The following MEGF6 variants were observed in gnomAD, a reference collection of about 807,000 sequenced individuals.
MEGF6 encodes the protein multiple EGF like domains 6, also known as multiple epidermal growth factor-like domains protein 6.
Under a neutral mutation model 207.1 loss-of-function variants are expected in MEGF6, and 184 were observed. The ratio of observed to expected loss-of-function variants is 0.89; its 90% CI spans 0.79 to 1.00. The LOEUF (loss-of-function observed/expected upper bound fraction) is 1.00. Ranked by LOEUF, MEGF6 falls within the 50% of genes least tolerant of loss-of-function variation. MEGF6 has a pLI of 0.00. For synonymous variants in MEGF6, 1,038 were observed against 910.0 expected (o/e 1.14, Z -2.53); for missense variants, 2,282 against 2,202.9 (o/e 1.04, Z -0.72).
intron 4 of MEGF6, among the ~76,000 whole-genome samples, chr1:3,537,400 C>G (rs945152879): frequency 6.6e-6 from 1 of 152,356 alleles, no homozygotes; most frequent in Non-Finnish European, 1.5e-5. Context: ...TAGTCCTGAC[C>G]GAGGTGGCCA....
intron 4 of MEGF6, among the ~76,000 whole-genome samples, chr1:3,545,744 G>A (rs1419477764): frequency 2.0e-5 from 3 of 152,192 alleles, no homozygotes; most frequent in African/African-American, 7.2e-5. Flanking sequence ...CACAGGTGGA[G>A]CCATCCTCCC....
chr1:3,537,954 C>A (rs1455882287), intron 4 of MEGF6, among the ~76,000 whole-genome samples: 1 of 152,134 alleles, frequency 6.6e-6, no homozygotes, highest in East Asian at 1.9e-4. Context: ...CAGCAAGGGG[C>A]ACAGGGCTGC....
chr1:3,501,916 G>C lies in MEGF6; in HGVS notation c.2194C>G (p.Pro732Ala). ...CAGTTCACGCCAAACGTCCCCACCGGGCACTCTGCAGGAGAAAGCACGAGG... is the reference window on the plus strand; with the variant it reads ...CAGTTCACGCCAAACGTCCCCACCGCGCACTCTGCAGGAGAAAGCACGAGG... The part of the protein sequence containing the change: ...FQGEDCGQEC[P>A]VGTFGVNCSS... The change falls in exon 18 of 37, where the codon CCG becomes GCG. Residue 732 changes from proline (P) to alanine (A), a missense_variant. Pro to Ala is a conservative substitution (Grantham distance 27, BLOSUM62 -1). Coordinates refer to ENST00000356575, the MANE Select transcript of MEGF6 (RefSeq NM_001409.4). 6.3e-7 allele frequency: 1 copy of C among 1,593,870 alleles called. No individual in the cohort carries two copies. The highest frequency in any genetic ancestry group is 8.5e-7 in the Non-Finnish European group (1 of 1,170,932).
chr1:3,585,980 GCATGTCCTGTGTGTGGGTGTGTGGACA>G (rs1192134590), intron 3 of MEGF6, among the ~76,000 whole-genome samples: 10 of 86,870 alleles, frequency 1.2e-4, no homozygotes, highest in African/African-American at 2.2e-4. Flanking sequence ...GTGTGTGGAC[GCATGTCCTGTGTGTGGGTGTGTGGACA>G]CATGTCCTGT....
intron 29 of MEGF6, 69 bp downstream of exon 29, chr1:3,496,586 G>A (rs1557714994): frequency 1.9e-6 from 3 of 1,540,596 alleles, no homozygotes; most frequent in Middle Eastern, 1.8e-4. Flanking sequence ...CCATCCTCCT[G>A]CAGGCTGGCT....
chr1:3,552,407 C>T (rs1042390606), intron 4 of MEGF6, among the ~76,000 whole-genome samples: 1 of 152,260 alleles, frequency 6.6e-6, no homozygotes, highest in Non-Finnish European at 1.5e-5. Flanking sequence ...GCTGAGGCAT[C>T]CTGGTAAGAC....
intron 4 of MEGF6, among the ~76,000 whole-genome samples, chr1:3,530,784 C>G (rs943368525): frequency 7.2e-5 from 11 of 152,322 alleles, no homozygotes; most frequent in Admixed American, 7.2e-4. Flanking sequence ...CCATGGGGAG[C>G]GGGGAACCCT....
At chr1:3,568,177 G>A (rs995386288) in intron 4 of MEGF6, among the ~76,000 whole-genome samples, 5 of 152,192 alleles carry the variant, frequency 3.3e-5, no homozygotes, top group African/African-American at 7.2e-5. Flanking sequence ...AGGGCCTCTG[G>A]GGTGCAGAGG....
chr1:3,602,599 G>A lies in MEGF6; in HGVS notation c.133C>T (p.Pro45Ser). ...RPLLPLQPGM[P>S]HVCAEQELTL... ...AGCTCCTGCTCAGCACACACGTGGG[G>A]CCTGGAACAGAGACACGGAGAGTCA... Residue 45 changes from proline to serine, a missense_variant and splice_region_variant, in exon 2 of 37, where the codon CCC becomes TCC. By Grantham distance (74) the Pro-to-Ser change is moderately conservative (BLOSUM62 -1). Coordinates refer to ENST00000356575, the MANE Select transcript of MEGF6 (RefSeq NM_001409.4). 1.9e-6 allele frequency: 3 copies of A among 1,606,366 alleles called. No individual in the cohort carries two copies. Among genetic ancestry groups the A allele is most frequent in the South Asian group, 2.2e-5 (2 of 90,638 alleles).
At chr1:3,542,077 C>T (rs889907024) in intron 4 of MEGF6, among the ~76,000 whole-genome samples, 10 of 152,326 alleles carry the variant, frequency 6.6e-5, no homozygotes, top group Middle Eastern at 3.4e-3. Flanking sequence ...CCGGCCTGGC[C>T]GCCTCCCCCA....
intron 17 of MEGF6, among the ~76,000 whole-genome samples, chr1:3,503,996 T>C (rs970809217): frequency 3.3e-5 from 5 of 152,090 alleles, no homozygotes; most frequent in Non-Finnish European, 7.4e-5. Context: ...AGTGGGTCCT[T>C]GGGTGGACGT....
At position 3,597,277 on chromosome 1, in the gene MEGF6, C is replaced by G. The variant is rs901491103; in HGVS notation, c.267-1830G>C. 2.0e-5 allele frequency among the ~76,000 whole-genome samples: 3 copies of G among 152,294 alleles called. No individual in the cohort carries two copies. In the East Asian group the frequency reaches 5.8e-4, roughly 29 times the overall value. On this transcript the variant is annotated intron_variant, in intron 2 of 36. Coordinates refer to ENST00000356575, the MANE Select transcript of MEGF6 (RefSeq NM_001409.4). The stretch of plus-strand genomic sequence containing the variant: ...TCCCCAGAGCATGGGTCACATGAGC[C>G]CCAGGATCCGCCTGCCCACCCTGCC...
At position 3,495,918 on chromosome 1, in the gene MEGF6, C is replaced by CG. The variant is rs1557714133; in HGVS notation, c.3842dup (p.Arg1283GlufsTer7). The CG allele has an allele frequency of 1.9e-6, 3 of 1,597,542 alleles. No individual in the cohort carries two copies. The highest frequency in any genetic ancestry group is 1.1e-5 in the South Asian group (1 of 90,596). On this transcript the variant is annotated frameshift_variant, in exon 30 of 37. Coordinates refer to ENST00000356575, the MANE Select transcript of MEGF6 (RefSeq NM_001409.4). LOFTEE classifies it high-confidence loss of function. ...GCTCACAGCGGACGCCGGCTCTCCC[C>CG]GGGGGGCAGAGGCAGGTGCCGGTCA...
chr1:3,534,196 CAT>C (rs549395519), intron 4 of MEGF6, among the ~76,000 whole-genome samples: 2 of 152,292 alleles, frequency 1.3e-5, no homozygotes, highest in South Asian at 2.1e-4. Context: ...TAGCGTCACA[CAT>C]GTCACCTTCT....
chr1:3,537,315 T>G (rs773102969), intron 4 of MEGF6, among the ~76,000 whole-genome samples: 3 of 152,204 alleles, frequency 2.0e-5, no homozygotes, highest in Admixed American at 6.5e-5. Flanking sequence ...AGCTAAGCCC[T>G]TGGCTGGTGG....
At position 3,584,389 on chromosome 1, in the gene MEGF6, T is replaced by C. The variant is rs529932254; in HGVS notation, c.377-4460A>G. Reference sequence around the variant, plus strand: ...TGGCCAGAGCCCTTGGCAACTTTTCTTCCTGCCCCTTGAACAACCCAGCCA... The same window carrying C: ...TGGCCAGAGCCCTTGGCAACTTTTCCTCCTGCCCCTTGAACAACCCAGCCA... On this transcript the variant is annotated intron_variant, in intron 3 of 36. Coordinates refer to ENST00000356575, the MANE Select transcript of MEGF6 (RefSeq NM_001409.4). 1.6e-4 allele frequency among the ~76,000 whole-genome samples: 25 copies of C among 152,332 alleles called. No individual in the cohort carries two copies. In the South Asian group the frequency reaches 5.2e-3, roughly 32 times the overall value.
intron 1 of MEGF6, 77 bp downstream of exon 1, chr1:3,611,061 C>G (rs1162498100): frequency 2.6e-5 from 36 of 1,375,260 alleles, no homozygotes; most frequent in Non-Finnish European, 3.2e-5. Context: ...AGCCTCGGAG[C>G]TCGGTCCACC....
At chr1:3,619,501 A>C in the MEGF6 span, among the ~76,000 whole-genome samples, 1 of 152,168 alleles carries the variant, frequency 6.6e-6, no homozygotes, top group Admixed American at 6.5e-5. Flanking sequence ...GTGTCGAGAG[A>C]GGGGCCTGGT....
At chr1:3,518,485 C>T (rs528727401) in intron 5 of MEGF6, among the ~76,000 whole-genome samples, 2 of 152,212 alleles carry the variant, frequency 1.3e-5, no homozygotes, top group South Asian at 4.1e-4. Context: ...GCTCGAGGCG[C>T]AGCATCCTGG....
Sources: allele counts gnomAD v4.1 joint callset (sites outside exome capture counted in the v4.1 genomes callset), GRCh38; gene constraint gnomAD v4.1.1; transcripts MANE v1.5; gene names NCBI Gene and HGNC (gene_info 2026-07-23, HGNC 2026-07-21).